Variants in AP3B1 observed in about 807,000 individuals in gnomAD.
AP3B1 encodes the protein adaptor related protein complex 3 subunit beta 1.
AP3B1 carries 61 observed loss-of-function variants against 132.5 expected under a neutral mutation model. The ratio of observed to expected loss-of-function variants is 0.46; its 90% CI spans 0.37 to 0.57. AP3B1 has a LOEUF of 0.57. Ranked by LOEUF, AP3B1 falls within the 20% of genes least tolerant of loss-of-function variation. The probability of loss-of-function intolerance (pLI) is 0.00; values close to 1 mark genes in which losing one functional copy is unlikely to be tolerated. For synonymous variants in AP3B1, 388 were observed against 438.3 expected (o/e 0.89, Z 1.43); for missense variants, 1,120 against 1,289.4 (o/e 0.87, Z 2.01).
intron 19 of AP3B1, among the ~76,000 whole-genome samples, 166 bp from the exon 20 acceptor site, chr5:78,110,520 T>C (rs1299239157): frequency 3.3e-5 from 5 of 152,230 alleles, no homozygotes; most frequent in African/African-American, 1.2e-4. Context: ...TATCCTGTCA[T>C]ACAAATTTCA....
intron 11 of AP3B1, among the ~76,000 whole-genome samples, chr5:78,169,917 C>A (rs879083411): frequency 6.6e-6 from 1 of 152,064 alleles, no homozygotes; most frequent in Non-Finnish European, 1.5e-5. Context: ...GCCCACAAAC[C>A]CCTGACAGGC....
At chr5:78,218,269 A>AT (rs1746041273) in intron 6 of AP3B1, among the ~76,000 whole-genome samples, 1 of 152,156 alleles carries the variant, frequency 6.6e-6, no homozygotes, top group Non-Finnish European at 1.5e-5. Flanking sequence ...ATCTACTCAG[A>AT]TTTTAAAACC....
chr5:78,287,750 T>TAAA (rs58180674), intron 1 of AP3B1, among the ~76,000 whole-genome samples: 11 of 131,752 alleles, frequency 8.3e-5, no homozygotes, highest in African/African-American at 3.1e-4. Flanking sequence ...GTACCCCTTG[T>TAAA]AAAAAAAAAA....
Position 78,189,869 on chromosome 5 carries a change from C to CAAATAAAATAAAATAAAATA in AP3B1, c.787-8227_787-8208dup, listed in dbSNP as rs55792888. On this transcript the variant is annotated intron_variant, in intron 7 of 26. Transcript: ENST00000255194. ...TGGATGACAGAGCAAGACTCCATCT[C>CAAATAAAATAAAATAAAATA]AAATAAAATAAAATAAAATAAAATA... 5.3e-4 allele frequency among the ~76,000 whole-genome samples: 54 copies of CAAATAAAATAAAATAAAATA among 102,340 alleles called. 1 individual carries two copies. In the East Asian group the frequency reaches 7.8e-3, roughly 15 times the overall value. The allele number at this position is 102,340 out of a possible 152,430, so 67.1% of individuals were successfully genotyped here. A position where few individuals can be genotyped will look rare whatever the true frequency, so the allele number is the denominator to read the frequency against.
At chr5:78,106,118 A>G (rs1751322367) in intron 20 of AP3B1, among the ~76,000 whole-genome samples, 1 of 152,204 alleles carries the variant, frequency 6.6e-6, no homozygotes, top group Non-Finnish European at 1.5e-5. Context: ...AATAGGAAAG[A>G]ATACAGAGTG....
intron 7 of AP3B1, among the ~76,000 whole-genome samples, chr5:78,207,064 C>G (rs926809156): frequency 1.3e-5 from 2 of 152,008 alleles, no homozygotes; most frequent in East Asian, 1.9e-4. Flanking sequence ...TCGAAACCAA[C>G]CTGGCCAACA....
chr5:78,083,139 GGAAGGTCAGACTCT>G (rs1452152190), intron 22 of AP3B1, among the ~76,000 whole-genome samples: 1 of 151,980 alleles, frequency 6.6e-6, no homozygotes, highest in East Asian at 1.9e-4. Flanking sequence ...TATTAACCTA[GGAAGGTCAGACTCT>G]GATTTTTCCA....
At chr5:78,150,182 C>T (rs1036538158) in intron 14 of AP3B1, among the ~76,000 whole-genome samples, 2 of 152,210 alleles carry the variant, frequency 1.3e-5, no homozygotes, top group East Asian at 3.9e-4. Context: ...TATTATAGAA[C>T]ATCACTTGGC....
intron 17 of AP3B1, among the ~76,000 whole-genome samples, chr5:78,119,285 C>T (rs1056026661): frequency 1.6e-4 from 24 of 152,184 alleles, no homozygotes; most frequent in Non-Finnish European, 2.9e-4. Context: ...CAGAGTGCCT[C>T]TCCTCCTCCA....
At chr5:78,053,730 T>C (rs1287581182) in intron 22 of AP3B1, among the ~76,000 whole-genome samples, 2 of 147,858 alleles carry the variant, frequency 1.4e-5, no homozygotes, top group Non-Finnish European at 3.0e-5. Context: ...CAGGTAACCA[T>C]AACAATTTGG....
intron 7 of AP3B1, among the ~76,000 whole-genome samples, chr5:78,189,639 G>C (rs1014252733): frequency 6.6e-6 from 1 of 152,054 alleles, no homozygotes; most frequent in African/African-American, 2.4e-5. Context: ...GGAGGCCAAG[G>C]CAGGCGGATC....
At chr5:78,071,219 T>G (rs1749527964) in intron 22 of AP3B1, among the ~76,000 whole-genome samples, 1 of 152,194 alleles carries the variant, frequency 6.6e-6, no homozygotes, top group African/African-American at 2.4e-5. Flanking sequence ...CATGAAATAC[T>G]ATGCAGCCAT....
Position 78,193,770 on chromosome 5 carries a change from A to ATATATATTTTTTT in AP3B1, c.787-12109_787-12108insAAAAAAATATATA. ...TATATATATATATATATATATATAT[A>ATATATATTTTTTT]TTTTTTTTTTAGACAGAGTCTCGCT... is the stretch of plus-strand genomic sequence containing the variant. On this transcript the variant is annotated intron_variant, in intron 7 of 26. Transcript: ENST00000255194. Among the ~76,000 whole-genome samples the ATATATATTTTTTT allele has an allele frequency of 7.9e-4, 53 of 67,202 alleles. 1 individual carries two copies. Among genetic ancestry groups the ATATATATTTTTTT allele is most frequent in the Admixed American group, 1.8e-3 (10 of 5,702 alleles). 44.1% of individuals were successfully genotyped at this position (67,202 alleles called of 152,430 possible). A position where few individuals can be genotyped will look rare whatever the true frequency, so the allele number is the denominator to read the frequency against.
intron 22 of AP3B1, chr5:78,087,499 T>C: frequency 2.1e-6 from 2 of 974,032 alleles, no homozygotes; most frequent in Non-Finnish European, 2.4e-6. Flanking sequence ...GTTCTATTCC[T>C]GTCCATATTT....
chr5:78,097,469 G>C (rs1162198660), intron 21 of AP3B1, among the ~76,000 whole-genome samples: 6 of 130,028 alleles, frequency 4.6e-5, no homozygotes, highest in Non-Finnish European at 1.0e-4. Context: ...GAAGTGAGGA[G>C]CCCCTCTGCC....
intron 9 of AP3B1, among the ~76,000 whole-genome samples, chr5:78,176,239 T>C: frequency 6.6e-6 from 1 of 152,154 alleles, no homozygotes; most frequent in East Asian, 1.9e-4. Context: ...AGTAGTCATG[T>C]TATTTTTAGA....
chr5:78,182,462 A>C (rs1462584297), intron 7 of AP3B1, among the ~76,000 whole-genome samples: 2 of 152,252 alleles, frequency 1.3e-5, no homozygotes, highest in East Asian at 3.8e-4. Flanking sequence ...AAACATATAT[A>C]AAACAAACAT....
chr5:78,219,751 T>C (rs1408870547), intron 6 of AP3B1, among the ~76,000 whole-genome samples: 2 of 152,138 alleles, frequency 1.3e-5, no homozygotes, highest in African/African-American at 2.4e-5. Context: ...ATGGAACTAA[T>C]TTTCTTTGAG....
chr5:78,245,828 T>C (rs772610531), intron 2 of AP3B1, among the ~76,000 whole-genome samples: 5 of 152,204 alleles, frequency 3.3e-5, no homozygotes, highest in African/African-American at 4.8e-5. Context: ...GTGGAAAGCA[T>C]AGGAGAATAT....
Sources: gnomAD v4.1 joint callset for allele counts (sites outside exome capture counted in the v4.1 genomes callset) on GRCh38, gnomAD v4.1.1 for gene constraint, MANE v1.5 for transcripts, NCBI Gene and HGNC (gene_info 2026-07-23, HGNC 2026-07-21) for gene names.